Variants in UNC13C observed in about 807,000 individuals in gnomAD.
UNC13C encodes the protein protein unc-13 homolog C.
In UNC13C, 174 loss-of-function variants were observed where a neutral mutation model predicts 245.4. The ratio of observed to expected loss-of-function variants is 0.71; its 90% CI spans 0.63 to 0.80. The LOEUF (loss-of-function observed/expected upper bound fraction) is 0.80, where lower values mean the gene tolerates loss of function less well. Ranked by LOEUF, UNC13C falls within the 30% of genes least tolerant of loss-of-function variation. UNC13C has a pLI of 0.00. For missense variants in UNC13C, 2,829 were observed against 2,602.9 expected (o/e 1.09, Z -1.89); for synonymous variants, 992 against 895.1 (o/e 1.11, Z -1.93).
chr15:54,466,585 C>G (rs1352306150), intron 19 of UNC13C, among the ~76,000 whole-genome samples: 1 of 151,848 alleles, frequency 6.6e-6, no homozygotes, highest in African/African-American at 2.4e-5. Context: ...TCTTGAGACA[C>G]TATCGTGTCA....
At chr15:54,140,109 T>A (rs1398307404) in intron 2 of UNC13C, among the ~76,000 whole-genome samples, 2 of 152,158 alleles carry the variant, frequency 1.3e-5, no homozygotes, top group African/African-American at 2.4e-5. Flanking sequence ...CATCTCATAG[T>A]GCTTCTTTTA....
chr15:54,212,486 A>G (rs2034912674), intron 4 of UNC13C, among the ~76,000 whole-genome samples: 1 of 152,052 alleles, frequency 6.6e-6, no homozygotes, highest in Non-Finnish European at 1.5e-5. Flanking sequence ...TTATGTACAC[A>G]ATACCGTGCT....
chr15:54,278,123 C>T (rs2036882717), intron 10 of UNC13C, among the ~76,000 whole-genome samples: 1 of 152,108 alleles, frequency 6.6e-6, no homozygotes, highest in Non-Finnish European at 1.5e-5. Context: ...TCCATCCTGA[C>T]CTGAGACCTC....
intron 2 of UNC13C, among the ~76,000 whole-genome samples, chr15:54,068,197 A>G (rs924458028): frequency 1.3e-5 from 2 of 152,184 alleles, no homozygotes; most frequent in Admixed American, 6.5e-5. Flanking sequence ...AGCCACAACC[A>G]TTTAAGAGAT....
At chr15:54,541,805 A>T (rs1195702826) in intron 26 of UNC13C, among the ~76,000 whole-genome samples, 1 of 152,162 alleles carries the variant, frequency 6.6e-6, no homozygotes, top group Non-Finnish European at 1.5e-5. Context: ...AAGAATTTGT[A>T]AGGAATACCT....
At chr15:54,151,200 A>C (rs2032499120) in intron 4 of UNC13C, among the ~76,000 whole-genome samples, 1 of 152,152 alleles carries the variant, frequency 6.6e-6, no homozygotes. Context: ...ATCCATCCTC[A>C]CACATATATA....
At chr15:54,213,847 G>GC (rs1166256613) in intron 4 of UNC13C, among the ~76,000 whole-genome samples, 5 of 151,966 alleles carry the variant, frequency 3.3e-5, no homozygotes, top group African/African-American at 1.2e-4. Flanking sequence ...AGTATTGCTG[G>GC]AAACTTTCAG....
At chr15:54,094,214 G>A (rs1023785456) in intron 2 of UNC13C, among the ~76,000 whole-genome samples, 3 of 152,116 alleles carry the variant, frequency 2.0e-5, no homozygotes, top group Admixed American at 6.5e-5. Flanking sequence ...AGACGTCTCC[G>A]CTAAACTTTC....
chr15:54,605,635 G>A lies in UNC13C; in HGVS notation c.6107-16692G>A, dbSNP rs190906244. On this transcript the variant is annotated intron_variant, in intron 30 of 32. Coordinates refer to ENST00000260323, the MANE Select transcript of UNC13C (RefSeq NM_001080534.3). ...TCCTCAGGTGTTTCCAGTATACAGA[G>A]AGGGTGAGGAATCATCCTAACCAAG... Among the ~76,000 whole-genome samples, 533 of 152,292 alleles carry A rather than the reference G, an allele frequency of 3.5e-3. 2 individuals are homozygous for A. The highest frequency in any genetic ancestry group is 0.012 in the African/African-American group (515 of 41,558).
chr15:54,575,728 T>C (rs1897932978), intron 30 of UNC13C, among the ~76,000 whole-genome samples: 1 of 152,260 alleles, frequency 6.6e-6, no homozygotes, highest in Non-Finnish European at 1.5e-5. Context: ...TCATATTGGC[T>C]AAGCTTGTCA....
intron 10 of UNC13C, among the ~76,000 whole-genome samples, chr15:54,266,984 G>T (rs1200705402): frequency 2.0e-5 from 3 of 151,994 alleles, no homozygotes; most frequent in Non-Finnish European, 4.4e-5. Context: ...TATGTCAATA[G>T]CTTATTTCTA....
At chr15:54,197,302 C>A (rs1285102936) in intron 4 of UNC13C, among the ~76,000 whole-genome samples, 1 of 151,938 alleles carries the variant, frequency 6.6e-6, no homozygotes, top group Non-Finnish European at 1.5e-5. Context: ...CATGGCAAAA[C>A]CCCATCTCTA....
intron 2 of UNC13C, among the ~76,000 whole-genome samples, chr15:54,030,166 C>T (rs1896296680): frequency 6.6e-6 from 1 of 152,136 alleles, no homozygotes; most frequent in African/African-American, 2.4e-5. Context: ...CTTCCAGGGA[C>T]CACCTTCCAA....
At chr15:54,343,982 A>G (rs192026561) in intron 17 of UNC13C, among the ~76,000 whole-genome samples, 4 of 152,340 alleles carry the variant, frequency 2.6e-5, no homozygotes, top group Non-Finnish European at 2.9e-5. Flanking sequence ...TTGTAGAGGA[A>G]GGAAACCTGA....
chr15:54,086,766 C>G (rs1899267412), intron 2 of UNC13C, among the ~76,000 whole-genome samples: 1 of 32,410 alleles, frequency 3.1e-5, no homozygotes, highest in Middle Eastern at 0.026. Flanking sequence ...GAGATGGACT[C>G]TCACAGTCGC....
In UNC13C at chr15:54,342,790, G is replaced by GTT. The variant is rs140156862; in HGVS notation, c.4713+4308_4713+4309dup. The stretch of plus-strand genomic sequence containing the variant: ...GTCACTGTTTTTTGTTTTTGTTTTT[G>GTT]TTTTTTTTGTTTTGCTTTATAAGAA... On this transcript the variant is annotated intron_variant, in intron 17 of 32. Transcript: ENST00000260323. Among the ~76,000 whole-genome samples the GTT allele has an allele frequency of 4.6e-5, 7 of 151,666 alleles. No homozygotes were observed. The East Asian group carries it at 5.8e-4, about 13-fold the overall frequency.
At chr15:54,556,258 T>G (rs1400444594) in intron 29 of UNC13C, among the ~76,000 whole-genome samples, 1 of 152,102 alleles carries the variant, frequency 6.6e-6, no homozygotes, top group Non-Finnish European at 1.5e-5. Flanking sequence ...CCAAGATATG[T>G]GAATAGCATA....
intron 4 of UNC13C, among the ~76,000 whole-genome samples, chr15:54,198,921 T>C (rs939515213): frequency 2.0e-5 from 3 of 151,884 alleles, no homozygotes; most frequent in Admixed American, 6.6e-5. Flanking sequence ...AAAGGTGAAG[T>C]CTAACTTAAA....
chr15:53,979,115 A>G (rs1893820183), intron 1 of UNC13C, among the ~76,000 whole-genome samples, 188 bp downstream of exon 1: 1 of 146,478 alleles, frequency 6.8e-6, no homozygotes, highest in African/African-American at 2.4e-5. Context: ...GAGCATCATG[A>G]CTTCTCAGTC....
Sources: allele counts gnomAD v4.1 joint callset (sites outside exome capture counted in the v4.1 genomes callset), GRCh38; gene constraint gnomAD v4.1.1; transcripts MANE v1.5; gene names NCBI Gene and HGNC (gene_info 2026-07-23, HGNC 2026-07-21).